The following CLSTN2 variants were observed in gnomAD, a reference collection of about 807,000 sequenced individuals.
The protein encoded by CLSTN2 is calsyntenin 2.
Under a neutral mutation model 101.2 loss-of-function variants are expected in CLSTN2, and 48 were observed. The ratio of observed to expected loss-of-function variants is 0.47; its 90% CI spans 0.38 to 0.60. CLSTN2 has a LOEUF of 0.60. Among genes scored for constraint, CLSTN2 ranks in the 20% least tolerant of loss-of-function variants. The probability of loss-of-function intolerance (pLI) is 0.00; values close to 1 mark genes in which losing one functional copy is unlikely to be tolerated. For missense variants in CLSTN2, 1,160 were observed against 1,238.2 expected (o/e 0.94, Z 0.95); for synonymous variants, 481 against 463.6 (o/e 1.04, Z -0.48).
At chr3:140,323,164 G>A (rs2087299956) in intron 2 of CLSTN2, among the ~76,000 whole-genome samples, 1 of 152,198 alleles carries the variant, frequency 6.6e-6, no homozygotes, top group South Asian at 2.1e-4. Flanking sequence ...CTCCCCAGCA[G>A]TGGCTTCCCA....
intron 2 of CLSTN2, among the ~76,000 whole-genome samples, chr3:140,329,260 A>T (rs2087359560): frequency 6.6e-6 from 1 of 152,232 alleles, no homozygotes; most frequent in Non-Finnish European, 1.5e-5. Flanking sequence ...ATGGTGGCAC[A>T]TGCCTGTAAT....
chr3:139,996,051 C>A (rs2006649178), intron 1 of CLSTN2, among the ~76,000 whole-genome samples: 1 of 152,188 alleles, frequency 6.6e-6, no homozygotes, highest in South Asian at 2.1e-4. Context: ...TTCCATCTCC[C>A]ATCTATCTTC....
chr3:140,236,588 A>T (rs2086418986), intron 2 of CLSTN2, among the ~76,000 whole-genome samples: 1 of 152,142 alleles, frequency 6.6e-6, no homozygotes, highest in Middle Eastern at 3.4e-3. Context: ...TTTTCTAAGG[A>T]TTCAGTTATA....
intron 2 of CLSTN2, among the ~76,000 whole-genome samples, chr3:140,285,075 G>C (rs183643222): frequency 1.1e-4 from 17 of 152,226 alleles, no homozygotes; most frequent in Admixed American, 5.9e-4. Flanking sequence ...ATTGCTGTGG[G>C]CAAGTGGAGC....
At chr3:140,409,910 T>G (rs535191649) in intron 4 of CLSTN2, among the ~76,000 whole-genome samples, 3 of 151,870 alleles carry the variant, frequency 2.0e-5, no homozygotes, top group African/African-American at 7.2e-5. Context: ...ATTTTAAAAA[T>G]GCAATAGAGA....
chr3:140,304,638 C>T (rs2087094389), intron 2 of CLSTN2, among the ~76,000 whole-genome samples: 1 of 152,220 alleles, frequency 6.6e-6, no homozygotes. Context: ...ATGTGGGGGA[C>T]ACAAGCCTTT....
chr3:140,099,804 G>A (rs1412905149), intron 1 of CLSTN2, among the ~76,000 whole-genome samples: 1 of 152,198 alleles, frequency 6.6e-6, no homozygotes, highest in Admixed American at 6.5e-5. Context: ...GAAGAAAATG[G>A]CAGTCACAGG....
chr3:140,424,350 C>G (rs1364949158), intron 5 of CLSTN2, among the ~76,000 whole-genome samples: 1 of 152,198 alleles, frequency 6.6e-6, no homozygotes, highest in Non-Finnish European at 1.5e-5. Context: ...TAAGGCCTTT[C>G]TAGCATTCCT....
intron 1 of CLSTN2, among the ~76,000 whole-genome samples, chr3:140,125,836 AG>A (rs1459841149): frequency 1.3e-5 from 2 of 152,124 alleles, no homozygotes; most frequent in African/African-American, 2.4e-5. Flanking sequence ...GCACAATCCA[AG>A]GGGGTGAAGC....
chr3:140,486,449 A>T (rs1934243670), intron 8 of CLSTN2, among the ~76,000 whole-genome samples: 2 of 152,206 alleles, frequency 1.3e-5, no homozygotes, highest in Non-Finnish European at 2.9e-5. Context: ...AAAAGGATGG[A>T]GGTGTTAAAT....
At chr3:139,962,453 C>T (rs1935528593) in intron 1 of CLSTN2, among the ~76,000 whole-genome samples, 1 of 152,164 alleles carries the variant, frequency 6.6e-6, no homozygotes, top group South Asian at 2.1e-4. Flanking sequence ...CAACCTCATT[C>T]TTCACTCCAT....
intron 1 of CLSTN2, among the ~76,000 whole-genome samples, chr3:140,065,285 C>T (rs12496538): frequency 0.39 from 59,708 of 152,060 alleles, 13,532 homozygotes; most frequent in African/African-American, 0.6. Context: ...CAATCCACAG[C>T]GTCCTGTCTT....
At chr3:140,378,136 C>A (rs1238277741) in intron 2 of CLSTN2, among the ~76,000 whole-genome samples, 1 of 152,174 alleles carries the variant, frequency 6.6e-6, no homozygotes, top group Admixed American at 6.5e-5. Context: ...GTAGTCTGTA[C>A]CACCTAGGTT....
chr3:140,370,580 CAAG>C (rs1383672590), intron 2 of CLSTN2, among the ~76,000 whole-genome samples: 8 of 152,112 alleles, frequency 5.3e-5, no homozygotes, highest in Non-Finnish European at 1.2e-4. Flanking sequence ...TATCAGGTTT[CAAG>C]AAGAAGGAGA....
chr3:140,037,084 T>G (rs992373095), intron 1 of CLSTN2, among the ~76,000 whole-genome samples: 1 of 152,248 alleles, frequency 6.6e-6, no homozygotes, highest in Non-Finnish European at 1.5e-5. Context: ...TGGAATTATA[T>G]AGTACATATT....
intron 9 of CLSTN2, among the ~76,000 whole-genome samples, chr3:140,539,573 C>A (rs910377425): frequency 3.3e-5 from 5 of 152,036 alleles, no homozygotes; most frequent in African/African-American, 4.8e-5. Context: ...GGGGAAGAGA[C>A]CCTAAAAAAC....
At chr3:139,948,309 ATTGCTACTTT>A (rs1318897491) in intron 1 of CLSTN2, among the ~76,000 whole-genome samples, 20 of 152,058 alleles carry the variant, frequency 1.3e-4, no homozygotes, top group Non-Finnish European at 2.8e-4. Flanking sequence ...TTTAGAAAAT[ATTGCTACTTT>A]TTGGGCATGG....
At chr3:140,519,560 G>T (rs1278942896) in intron 8 of CLSTN2, among the ~76,000 whole-genome samples, 2 of 152,096 alleles carry the variant, frequency 1.3e-5, no homozygotes, top group Non-Finnish European at 2.9e-5. Flanking sequence ...TCTTCTTGTT[G>T]AATTGAACCC....
chr3:140,015,052 C>T (rs2007172620), intron 1 of CLSTN2, among the ~76,000 whole-genome samples: 1 of 152,172 alleles, frequency 6.6e-6, no homozygotes, highest in Non-Finnish European at 1.5e-5. Context: ...CAGCGTGAGC[C>T]TCTTATTCAC....
Sources: gnomAD v4.1 joint callset for allele counts (sites outside exome capture counted in the v4.1 genomes callset) on GRCh38, gnomAD v4.1.1 for gene constraint, MANE v1.5 for transcripts, NCBI Gene and HGNC (gene_info 2026-07-23, HGNC 2026-07-21) for gene names.